MECOM: variants seen among roughly 807,000 people sequenced by gnomAD.
MECOM encodes MDS1 and EVI1 complex locus, also known as histone-lysine N-methyltransferase MECOM.
Under a neutral mutation model 116.3 loss-of-function variants are expected in MECOM, and 13 were observed. The ratio of observed to expected loss-of-function variants is 0.11; its 90% CI spans 0.07 to 0.18. The LOEUF is 0.18. MECOM is among the 10% of genes least tolerant of loss of function. MECOM has a pLI of 1.00. For missense variants in MECOM, 1,299 were observed against 1,509.0 expected, an observed-to-expected ratio of 0.86 and a Z score of 2.31; for synonymous variants, 528 against 535.2, an observed-to-expected ratio of 0.99 and a Z score of 0.19.
chr3:169,547,732 G>C (rs535218576), intron 1 of MECOM, among the ~76,000 whole-genome samples: 7 of 152,202 alleles, frequency 4.6e-5, no homozygotes, highest in Non-Finnish European at 7.4e-5. Context: ...TGGATTTAGG[G>C]TGGGCCCTAA....
chr3:169,215,498 C>T (rs996749981), intron 2 of MECOM, among the ~76,000 whole-genome samples: 5 of 152,074 alleles, frequency 3.3e-5, no homozygotes, highest in Non-Finnish European at 5.9e-5. Flanking sequence ...ACCCATTCAA[C>T]GATGGTTACA....
intron 13 of MECOM, 130 bp downstream of exon 13, chr3:169,094,946 G>T: frequency 1.3e-6 from 1 of 753,114 alleles, no homozygotes; most frequent in East Asian, 3.0e-5. Context: ...GAAACTTCCT[G>T]GGAATTTTTA....
rs1733502690 is a variant in MECOM, at chr3:169,128,078, G to A, written c.614-18C>T. 6.2e-7 allele frequency: 1 copy of A among 1,612,666 alleles called. No homozygotes were observed. The highest frequency in any genetic ancestry group is 1.3e-5 in the African/African-American group (1 of 74,878). ...CCGTTCTTCTGTGAAAACAATTCAG[G>A]TGTTAGGATTGGGTGGTCAGGAATT... On this transcript the variant is annotated intron_variant, in intron 4 of 16. Transcript: ENST00000651503.
intron 5 of MECOM, among the ~76,000 whole-genome samples, 166 bp downstream of exon 5, chr3:169,127,678 T>C (rs971458932): frequency 6.6e-6 from 1 of 152,210 alleles, no homozygotes; most frequent in Non-Finnish European, 1.5e-5. Flanking sequence ...CTGTAAATGT[T>C]TTACAGATGA....
chr3:169,500,665 C>T (rs1296205049), intron 1 of MECOM, among the ~76,000 whole-genome samples: 1 of 151,840 alleles, frequency 6.6e-6, no homozygotes, highest in East Asian at 1.9e-4. Flanking sequence ...ATGAACCCAT[C>T]TTATAAGGAT....
intron 2 of MECOM, among the ~76,000 whole-genome samples, chr3:169,170,321 C>T (rs1004684919): frequency 6.7e-6 from 1 of 149,300 alleles, no homozygotes; most frequent in Non-Finnish European, 1.5e-5. Flanking sequence ...GCAGGAGAAT[C>T]CCCTGAACCC....
At chr3:169,446,539 C>T (rs1441967635) in intron 1 of MECOM, among the ~76,000 whole-genome samples, 5 of 152,140 alleles carry the variant, frequency 3.3e-5, no homozygotes, top group African/African-American at 1.2e-4. Flanking sequence ...CCACGCTACA[C>T]AAATAAGCCT....
intron 1 of MECOM, among the ~76,000 whole-genome samples, chr3:169,510,332 A>G (rs1473307630): frequency 6.6e-6 from 1 of 151,920 alleles, no homozygotes; most frequent in Admixed American, 6.6e-5. Flanking sequence ...CTTGACTTTC[A>G]CAGTTTTCTT....
intron 1 of MECOM, among the ~76,000 whole-genome samples, chr3:169,512,389 C>G (rs1446075124): frequency 6.6e-6 from 1 of 152,250 alleles, no homozygotes; most frequent in Non-Finnish European, 1.5e-5. Flanking sequence ...TATCTCCTCA[C>G]ATCTCTTTCT....
intron 2 of MECOM, among the ~76,000 whole-genome samples, chr3:169,246,817 C>A (rs1193739300): frequency 6.6e-6 from 1 of 152,124 alleles, no homozygotes; most frequent in Non-Finnish European, 1.5e-5. Flanking sequence ...CTGCGCCTGG[C>A]CCACATACAG....
chr3:169,625,152 C>T (rs143933628), intron 1 of MECOM, among the ~76,000 whole-genome samples: 1 of 152,124 alleles, frequency 6.6e-6, no homozygotes, highest in East Asian at 1.9e-4. Context: ...GGCCCAAAGG[C>T]AATTACAAAC....
chr3:169,645,121 CA>C (rs1239635699), intron 1 of MECOM, among the ~76,000 whole-genome samples: 1 of 152,162 alleles, frequency 6.6e-6, no homozygotes, highest in Non-Finnish European at 1.5e-5. Flanking sequence ...CCAACAACAA[CA>C]AATGAGATTA....
intron 1 of MECOM, among the ~76,000 whole-genome samples, chr3:169,538,055 G>A (rs1163854993): frequency 3.3e-5 from 5 of 152,144 alleles, no homozygotes; most frequent in African/African-American, 4.8e-5. Context: ...ATTTGTCTGA[G>A]ATGGGGTCTA....
Position 169,450,820 on chromosome 3 carries a change from C to A in MECOM, c.38-69296G>T, listed in dbSNP as rs372254826. On this transcript the variant is annotated intron_variant, in intron 1 of 16. Coordinates refer to ENST00000651503, the MANE Select transcript of MECOM (RefSeq NM_004991.4). ...TTTCACAAAAGCTGTGCATCAGGAGCTGTTATTACAAATGAGGCCAAGGCT... is the reference window on the plus strand; with the variant it reads ...TTTCACAAAAGCTGTGCATCAGGAGATGTTATTACAAATGAGGCCAAGGCT... Among the ~76,000 whole-genome samples, 5 of 152,244 alleles carry A rather than the reference C, an allele frequency of 3.3e-5. No homozygotes were observed. In the South Asian group the frequency reaches 1.0e-3, roughly 32 times the overall value.
intron 2 of MECOM, among the ~76,000 whole-genome samples, chr3:169,318,674 T>C (rs1720230961): frequency 6.6e-6 from 1 of 152,102 alleles, no homozygotes; most frequent in South Asian, 2.1e-4. Context: ...TTGATGGCAG[T>C]GTAAATTAGT....
chr3:169,433,415 C>T (rs1166756475), intron 1 of MECOM, among the ~76,000 whole-genome samples: 1 of 151,864 alleles, frequency 6.6e-6, no homozygotes, highest in Non-Finnish European at 1.5e-5. Flanking sequence ...TTGCAGTGAG[C>T]AGAGATCACG....
chr3:169,587,746 A>G (rs565038469), intron 1 of MECOM, among the ~76,000 whole-genome samples: 5 of 152,310 alleles, frequency 3.3e-5, no homozygotes, highest in African/African-American at 1.2e-4. Flanking sequence ...AAACAGTTAC[A>G]TTGTACACTG....
chr3:169,644,449 G>C (rs1401840926), intron 1 of MECOM, among the ~76,000 whole-genome samples: 1 of 152,076 alleles, frequency 6.6e-6, no homozygotes, highest in Non-Finnish European at 1.5e-5. Flanking sequence ...TAGAGACAGA[G>C]TTTTGCCATG....
rs765129950 is a variant in MECOM at position 169,127,829 on chromosome 3, C to A, written c.830+15G>T. ...AAAATACACAAGTTGTATGGTACAA[C>A]ATGCCATTTCTAACCTTTGCAAATC... is the stretch of plus-strand genomic sequence containing the variant. On this transcript the variant is annotated intron_variant, in intron 5 of 16. Transcript: ENST00000651503. 14 of 1,604,742 alleles carry A rather than the reference C, an allele frequency of 8.7e-6. No individual in the cohort carries two copies. Among genetic ancestry groups the A allele is most frequent in the Non-Finnish European group, 1.2e-5 (14 of 1,171,760 alleles).
Sources: allele counts gnomAD v4.1 joint callset (sites outside exome capture counted in the v4.1 genomes callset), GRCh38; gene constraint gnomAD v4.1.1; transcripts MANE v1.5; gene names NCBI Gene and HGNC (gene_info 2026-07-23, HGNC 2026-07-21).